OR9Q1: variants seen among roughly 807,000 people sequenced by gnomAD.
The protein encoded by OR9Q1 is olfactory receptor 9Q1.
For missense variants in OR9Q1, 374 were observed against 378.8 expected, an observed-to-expected ratio of 0.99 and a Z score of 0.11; for synonymous variants, 153 against 148.6, an observed-to-expected ratio of 1.03 and a Z score of -0.22.
chr11:58,050,495 C>G (rs932521189), intron 1 of OR9Q1, among the ~76,000 whole-genome samples: 7 of 111,998 alleles, frequency 6.3e-5, no homozygotes, highest in African/African-American at 2.3e-4. Context: ...CATAAAAACC[C>G]TAGAAGAAAA....
chr11:58,142,757 C>G (rs149683502), intron 2 of OR9Q1, among the ~76,000 whole-genome samples: 17 of 152,102 alleles, frequency 1.1e-4, no homozygotes, highest in Non-Finnish European at 2.2e-4. Flanking sequence ...CAATACCTGG[C>G]GAGAACCCCA....
chr11:58,037,203 A>AT lies in OR9Q1; in HGVS notation c.-93+13107dup, dbSNP rs201980067. ...TCTGAAGGCTCAGATTATTGTTAGC[A>AT]TTTTTTTTAGCAATAAAGTATTTTT... On this transcript the variant is annotated intron_variant, in intron 1 of 2. Coordinates refer to ENST00000335397, the MANE Select transcript of OR9Q1 (RefSeq NM_001005212.4). Among the ~76,000 whole-genome samples the AT allele has an allele frequency of 7.6e-3, 1,162 of 152,088 alleles. 15 individuals carry two copies. Among genetic ancestry groups the AT allele is most frequent in the African/African-American group, 0.026 (1,069 of 41,492 alleles).
intron 1 of OR9Q1, among the ~76,000 whole-genome samples, chr11:58,032,828 C>A (rs1853056206): frequency 6.6e-6 from 1 of 152,042 alleles, no homozygotes; most frequent in Non-Finnish European, 1.5e-5. Flanking sequence ...AGGTAAACTA[C>A]CAAATAAAAG....
At position 58,131,768 on chromosome 11, in the gene OR9Q1, C is replaced by A. The variant is rs75932654; in HGVS notation, c.-14-47663C>A. Reference sequence around the variant, plus strand: ...TGGTGTTCAATGCCCCCAACACTCACGAGCTGTCCAATGAGGAGTCTCAAT... The same window carrying A: ...TGGTGTTCAATGCCCCCAACACTCAAGAGCTGTCCAATGAGGAGTCTCAAT... On this transcript the variant is annotated intron_variant, in intron 2 of 2. Transcript: ENST00000335397. Among the ~76,000 whole-genome samples, 431 of 152,216 alleles carry A rather than the reference C, an allele frequency of 2.8e-3. 16 individuals carry two copies. The South Asian group carries it at 0.044, about 16-fold the overall frequency.
chr11:58,042,599 T>C (rs1273717523), intron 1 of OR9Q1, among the ~76,000 whole-genome samples: 1 of 150,370 alleles, frequency 6.7e-6, no homozygotes, highest in Non-Finnish European at 1.5e-5. Context: ...AGCTTTGTTC[T>C]TTTGGCTTAG....
At chr11:58,034,308 C>T (rs1031098360) in intron 1 of OR9Q1, among the ~76,000 whole-genome samples, 5 of 151,724 alleles carry the variant, frequency 3.3e-5, no homozygotes, top group African/African-American at 1.2e-4. Context: ...AGGATGGTCT[C>T]GATCTTCTGA....
chr11:58,119,197 G>A, intron 2 of OR9Q1: 6 of 1,613,996 alleles, frequency 3.7e-6, no homozygotes, highest in Non-Finnish European at 5.1e-6. Context: ...GGCCAATGTG[G>A]CTAGGATCTG....
intron 2 of OR9Q1, among the ~76,000 whole-genome samples, chr11:58,146,188 G>A (rs73482621): frequency 0.032 from 4,806 of 152,232 alleles, 246 homozygotes; most frequent in African/African-American, 0.11. Flanking sequence ...TTTTATTTCT[G>A]AAGCATTGTT....
rs796469814 is a variant in OR9Q1, at chr11:58,067,206, G to T, written c.-15+11259G>T. Among the ~76,000 whole-genome samples the T allele has an allele frequency of 5.9e-5, 9 of 151,870 alleles. 1 individual carries two copies. Among genetic ancestry groups the T allele is most frequent in the South Asian group, 4.2e-4 (2 of 4,804 alleles). On this transcript the variant is annotated intron_variant, in intron 2 of 2. Coordinates refer to ENST00000335397, the MANE Select transcript of OR9Q1 (RefSeq NM_001005212.4). ...GCCACCATGCCTGGCTAATTTTTTT[G>T]TGTGTGTTTTTAGTAGAGACAGGGT...
At chr11:58,162,392 G>C (rs533676812) in intron 2 of OR9Q1, among the ~76,000 whole-genome samples, 104 of 152,324 alleles carry the variant, frequency 6.8e-4, no homozygotes, top group African/African-American at 2.5e-3. Flanking sequence ...CAGTAGCAAG[G>C]TTGTGGTTAA....
In OR9Q1 at chr11:58,099,570, C is replaced by G. The variant is rs189419746; in HGVS notation, c.-15+43623C>G. Reference sequence around the variant, plus strand: ...AGTGTTTGTGTGGCATATAATTTTCCGTTCTTTTATTTTCAACCCATTTGT... The same window carrying G: ...AGTGTTTGTGTGGCATATAATTTTCGGTTCTTTTATTTTCAACCCATTTGT... On this transcript the variant is annotated intron_variant, in intron 2 of 2. Coordinates refer to ENST00000335397, the MANE Select transcript of OR9Q1 (RefSeq NM_001005212.4). Among the ~76,000 whole-genome samples, 1,291 of 152,036 alleles carry G rather than the reference C, an allele frequency of 8.5e-3. 62 individuals carry two copies. The highest frequency in any genetic ancestry group is 0.076 in the Admixed American group (1,161 of 15,250).
intron 2 of OR9Q1, among the ~76,000 whole-genome samples, chr11:58,116,057 T>C (rs1397170914): frequency 6.6e-6 from 1 of 152,216 alleles, no homozygotes; most frequent in East Asian, 1.9e-4. Flanking sequence ...AAGATGAATG[T>C]TTCCTTCTCA....
chr11:58,037,805 G>A (rs1286561613), intron 1 of OR9Q1, among the ~76,000 whole-genome samples: 1 of 136,130 alleles, frequency 7.3e-6, no homozygotes, highest in Non-Finnish European at 1.5e-5. Flanking sequence ...TGCAAGCTCT[G>A]CCTTCTGGGT....
At chr11:58,117,295 A>G (rs1853965535) in intron 2 of OR9Q1, 1 of 152,202 alleles carries the variant, frequency 6.6e-6, no homozygotes, top group Admixed American at 6.5e-5. Context: ...CCAAAGTCTC[A>G]TAATAAATCA....
chr11:58,133,019 GGCCTCCAAA>G (rs892106178), intron 2 of OR9Q1, among the ~76,000 whole-genome samples: 1 of 152,064 alleles, frequency 6.6e-6, no homozygotes, highest in Admixed American at 6.6e-5. Flanking sequence ...TATTTATCTG[GGCCTCCAAA>G]GCCCCACTTA....
chr11:58,070,025 G>A (rs1159760909), intron 2 of OR9Q1, among the ~76,000 whole-genome samples: 2 of 151,770 alleles, frequency 1.3e-5, no homozygotes, highest in Non-Finnish European at 2.9e-5. Context: ...GATTTGAGAT[G>A]GCATCTTGCT....
chr11:58,146,880 C>G (rs533235355), intron 2 of OR9Q1, among the ~76,000 whole-genome samples: 2 of 152,146 alleles, frequency 1.3e-5, no homozygotes, highest in African/African-American at 4.8e-5. Context: ...ATGCAACTGG[C>G]GAATTCCATA....
intron 2 of OR9Q1, among the ~76,000 whole-genome samples, chr11:58,132,716 T>C (rs1328669885): frequency 1.3e-5 from 2 of 151,718 alleles, no homozygotes; most frequent in Non-Finnish European, 2.9e-5. Flanking sequence ...CAGGGTGAGG[T>C]TGGATTATGG....
intron 2 of OR9Q1, among the ~76,000 whole-genome samples, chr11:58,111,794 A>C (rs903433079): frequency 3.9e-5 from 6 of 152,140 alleles, no homozygotes; most frequent in Admixed American, 3.9e-4. Context: ...GACATCTTGA[A>C]TTCTCACTCC....
Sources: gnomAD v4.1 joint callset for allele counts (sites outside exome capture counted in the v4.1 genomes callset) on GRCh38, gnomAD v4.1.1 for gene constraint, MANE v1.5 for transcripts, NCBI Gene and HGNC (gene_info 2026-07-23, HGNC 2026-07-21) for gene names.